The following EXT1 variants were observed in gnomAD, a reference collection of about 807,000 sequenced individuals.
EXT1 encodes exostosin glycosyltransferase 1, also known as exostosin-1.
A neutral mutation model predicts 82.5 loss-of-function variants in EXT1; 20 were observed. The ratio of observed to expected loss-of-function variants is 0.24; its 90% CI spans 0.17 to 0.35. The LOEUF (loss-of-function observed/expected upper bound fraction) is 0.35, where lower values mean the gene tolerates loss of function less well. Among genes scored for constraint, EXT1 ranks in the 10% least tolerant of loss-of-function variants. EXT1 has a pLI of 1.00. For synonymous variants in EXT1, 348 were observed against 350.8 expected (o/e 0.99, Z 0.09); for missense variants, 757 against 936.5 (o/e 0.81, Z 2.50).
At chr8:117,816,764 C>T (rs1378394625) in intron 7 of EXT1, among the ~76,000 whole-genome samples, 1 of 151,948 alleles carries the variant, frequency 6.6e-6, no homozygotes, top group African/African-American at 2.4e-5. Context: ...TGCTATACTA[C>T]CTAAAGAAAT....
chr8:118,035,052 C>CA (rs1218277903), intron 1 of EXT1, among the ~76,000 whole-genome samples: 19 of 152,162 alleles, frequency 1.2e-4, no homozygotes, highest in African/African-American at 4.6e-4. Flanking sequence ...CATGTTAAAA[C>CA]AGAGTGTTGC....
intron 1 of EXT1, among the ~76,000 whole-genome samples, chr8:117,994,361 C>T (rs1345694521): frequency 2.0e-5 from 3 of 152,126 alleles, no homozygotes; most frequent in Non-Finnish European, 4.4e-5. Context: ...CCTGTAATCC[C>T]AGCACTTTGG....
intron 1 of EXT1, among the ~76,000 whole-genome samples, chr8:118,096,973 G>A (rs181806144): frequency 7.9e-4 from 121 of 152,274 alleles, no homozygotes; most frequent in Middle Eastern, 3.4e-3. Flanking sequence ...CAAACACTGA[G>A]TGCTTCCTGT....
At chr8:118,082,286 C>A (rs572515169) in intron 1 of EXT1, among the ~76,000 whole-genome samples, 7 of 147,524 alleles carry the variant, frequency 4.7e-5, no homozygotes, top group Non-Finnish European at 8.8e-5. Flanking sequence ...TCTAAACTTT[C>A]GCATCATGCA....
At chr8:118,003,021 G>A (rs1009656760) in intron 1 of EXT1, among the ~76,000 whole-genome samples, 2 of 150,660 alleles carry the variant, frequency 1.3e-5, no homozygotes, top group African/African-American at 2.4e-5. Flanking sequence ...TTTTATATGT[G>A]TATATATATA....
intron 1 of EXT1, among the ~76,000 whole-genome samples, chr8:117,838,670 T>C (rs1234005306): frequency 6.6e-6 from 1 of 152,164 alleles, no homozygotes; most frequent in Non-Finnish European, 1.5e-5. Context: ...ATGGTAGTGA[T>C]TTCTTCATCC....
chr8:118,037,541 G>C (rs1816445748), intron 1 of EXT1, among the ~76,000 whole-genome samples: 1 of 151,984 alleles, frequency 6.6e-6, no homozygotes, highest in Admixed American at 6.6e-5. Context: ...CCCCTCTTAT[G>C]ACAAACTGAG....
At position 117,850,652 on chromosome 8, in the gene EXT1, T is replaced by C. The variant is rs533233868; in HGVS notation, c.963-13451A>G. On this transcript the variant is annotated intron_variant, in intron 1 of 10. Coordinates refer to ENST00000378204, the MANE Select transcript of EXT1 (RefSeq NM_000127.3). ...TCCAAAGCCAAGTCAGAGCTAAAGC[T>C]AGATAACTATTCTATAAATCAAACA... Among the ~76,000 whole-genome samples the C allele has an allele frequency of 1.9e-3, 297 of 152,364 alleles. 10 individuals carry two copies. The South Asian group carries it at 0.059, about 30-fold the overall frequency.
chr8:118,095,866 C>T (rs1817601621), intron 1 of EXT1, among the ~76,000 whole-genome samples: 1 of 152,186 alleles, frequency 6.6e-6, no homozygotes, highest in South Asian at 2.1e-4. Context: ...TGCAATATCC[C>T]ACAGGATTCT....
At chr8:118,025,689 C>A (rs978702694) in intron 1 of EXT1, among the ~76,000 whole-genome samples, 8 of 152,094 alleles carry the variant, frequency 5.3e-5, no homozygotes, top group Admixed American at 4.6e-4. Context: ...GAACCTCCGG[C>A]AAAGCGGTTT....
chr8:118,011,528 T>C (rs952385869), intron 1 of EXT1, among the ~76,000 whole-genome samples: 1 of 152,252 alleles, frequency 6.6e-6, no homozygotes, highest in Non-Finnish European at 1.5e-5. Context: ...TGGCATTTTA[T>C]ACATAATAGT....
chr8:118,013,112 G>A (rs1485439748), intron 1 of EXT1, among the ~76,000 whole-genome samples: 3 of 151,882 alleles, frequency 2.0e-5, no homozygotes, highest in African/African-American at 7.3e-5. Flanking sequence ...ACAGCTCACT[G>A]CACCTCAACA....
intron 1 of EXT1, among the ~76,000 whole-genome samples, chr8:117,975,819 G>A (rs200688544): frequency 6.6e-6 from 1 of 152,126 alleles, no homozygotes; most frequent in East Asian, 1.9e-4. Flanking sequence ...TCCTTGCTCT[G>A]TAGTTTTACC....
At chr8:118,017,208 T>A (rs1197477202) in intron 1 of EXT1, among the ~76,000 whole-genome samples, 1 of 152,168 alleles carries the variant, frequency 6.6e-6, no homozygotes, top group Non-Finnish European at 1.5e-5. Flanking sequence ...AAGACATTAC[T>A]AAGTAAAACC....
At chr8:117,803,789 A>G (rs1823200643) in intron 10 of EXT1, among the ~76,000 whole-genome samples, 2 of 152,228 alleles carry the variant, frequency 1.3e-5, no homozygotes, top group African/African-American at 2.4e-5. Context: ...ACTCAACACA[A>G]TATTTTACTT....
At chr8:117,887,765 C>T (rs1176201548) in intron 1 of EXT1, among the ~76,000 whole-genome samples, 1 of 151,908 alleles carries the variant, frequency 6.6e-6, no homozygotes, top group Admixed American at 6.6e-5. Context: ...TGATAAAATA[C>T]AATAAGACTA....
At chr8:117,827,764 G>A (rs1587000201) in intron 4 of EXT1, among the ~76,000 whole-genome samples, 1 of 131,488 alleles carries the variant, frequency 7.6e-6, no homozygotes, top group Non-Finnish European at 1.5e-5. Flanking sequence ...CAGCCTGGGG[G>A]ACAGGGTGAG....
intron 8 of EXT1, among the ~76,000 whole-genome samples, chr8:117,807,694 C>T (rs1393457650): frequency 6.6e-6 from 1 of 152,116 alleles, no homozygotes; most frequent in Non-Finnish European, 1.5e-5. Context: ...CCCCCTTCCT[C>T]AAAGGTGCAC....
At chr8:117,972,032 C>G (rs1170344157) in intron 1 of EXT1, among the ~76,000 whole-genome samples, 2 of 151,958 alleles carry the variant, frequency 1.3e-5, no homozygotes, top group Non-Finnish European at 2.9e-5. Flanking sequence ...TGCCTCTAAT[C>G]CCAGCTACTC....
Sources: gnomAD v4.1 joint callset for allele counts (sites outside exome capture counted in the v4.1 genomes callset) on GRCh38, gnomAD v4.1.1 for gene constraint, MANE v1.5 for transcripts, NCBI Gene and HGNC (gene_info 2026-07-23, HGNC 2026-07-21) for gene names.